Variants in SFMBT2 observed in about 807,000 individuals in gnomAD.
The protein encoded by SFMBT2 is scm-like with four MBT domains protein 2.
In SFMBT2, 38 loss-of-function variants were observed where a neutral mutation model predicts 110.1. The observed-to-expected ratio is 0.35, with a 90% confidence interval of 0.27 to 0.45. The LOEUF (loss-of-function observed/expected upper bound fraction) is 0.45, where lower values mean the gene tolerates loss of function less well. Among genes scored for constraint, SFMBT2 ranks in the 20% least tolerant of loss-of-function variants. SFMBT2 has a pLI of 1.00. For synonymous variants in SFMBT2, 425 were observed against 425.4 expected (o/e 1.00, Z 0.01); for missense variants, 1,011 against 1,094.9 (o/e 0.92, Z 1.08).
chr10:7,285,853 C>A lies in SFMBT2; in HGVS notation c.525+13G>T, dbSNP rs1842070174. The A allele has an allele frequency of 1.1e-6, 1 of 871,380 alleles. No homozygotes were observed. Among genetic ancestry groups the A allele is most frequent in the African/African-American group, 1.6e-5 (1 of 61,266 alleles). 54.0% of individuals were successfully genotyped at this position (871,380 alleles called of 1,614,324 possible). On this transcript the variant is annotated intron_variant, in intron 5 of 20. Transcript: ENST00000397167. The stretch of plus-strand genomic sequence containing the variant: ...CTTCAGAGATACATTAGATGTATAA[C>A]AACAATACATACACCTTCCAGGAGG...
intron 17 of SFMBT2, among the ~76,000 whole-genome samples, chr10:7,174,167 G>A (rs866368689): frequency 2.0e-5 from 3 of 152,362 alleles, no homozygotes; most frequent in Middle Eastern, 3.4e-3. Flanking sequence ...TGGCAGGAGA[G>A]CTTGGAACAA....
rs890647729 is a variant in SFMBT2, at chr10:7,408,088, G to C, written c.-52+2773C>G. The stretch of plus-strand genomic sequence containing the variant: ...GGCCTCGTGCAAAATCGCGGGTTTC[G>C]GGGCCTTGGAGCAAATTGCGCTTGT... On this transcript the variant is annotated intron_variant, in intron 1 of 20. Transcript: ENST00000397167. The surrounding 1 kb of genome is among the most constrained non-coding windows in gnomAD (Gnocchi z 5.7). Among the ~76,000 whole-genome samples the C allele has an allele frequency of 6.6e-6, 1 of 152,210 alleles. No individual in the cohort carries two copies. Among genetic ancestry groups the C allele is most frequent in the African/African-American group, 2.4e-5 (1 of 41,464 alleles).
chr10:7,175,987 T>TA lies in SFMBT2; in HGVS notation c.1984+2dup. The TA allele has an allele frequency of 6.2e-7, 1 of 1,610,888 alleles. No individual in the cohort carries two copies. The highest frequency in any genetic ancestry group is 8.5e-7 in the Non-Finnish European group (1 of 1,177,478). ...CATTTCTTTTTTCATTATTTGTACT[T>TA]ACTGTATTTGGTTTTGGTATGAATG... is the stretch of plus-strand genomic sequence containing the variant. On this transcript the variant is annotated splice_region_variant and intron_variant, in intron 17 of 20. Transcript: ENST00000397167.
At chr10:7,242,422 C>T (rs10905132) in intron 9 of SFMBT2, among the ~76,000 whole-genome samples, 32,691 of 152,084 alleles carry the variant, frequency 0.21, 3,788 homozygotes, top group South Asian at 0.37. Context: ...AATGACCCTG[C>T]GCAAGTTATA....
intron 7 of SFMBT2, chr10:7,264,310 G>A (rs749574075): frequency 1.0e-5 from 2 of 191,776 alleles, no homozygotes; most frequent in East Asian, 1.9e-4. Flanking sequence ...CTTTATTTAC[G>A]GATTTCCAGG....
intron 1 of SFMBT2, among the ~76,000 whole-genome samples, chr10:7,394,407 C>A (rs1845864569): frequency 6.6e-6 from 1 of 151,722 alleles, no homozygotes; most frequent in Non-Finnish European, 1.5e-5. Context: ...GCTCTCTCAG[C>A]CGACTGTTCT....
chr10:7,323,581 T>C (rs1365082845), intron 4 of SFMBT2, among the ~76,000 whole-genome samples: 2 of 151,706 alleles, frequency 1.3e-5, no homozygotes, highest in Non-Finnish European at 2.9e-5. Context: ...TCAACTATAG[T>C]GGTTTTTTCA....
At chr10:7,164,166 C>T (rs1335240718) in intron 20 of SFMBT2, 6 of 955,724 alleles carry the variant, frequency 6.3e-6, no homozygotes, top group South Asian at 9.6e-5. Context: ...GCTGGAGGAT[C>T]GCTTGAGACC....
rs150149992 is a variant in SFMBT2 at position 7,362,991 on chromosome 10, C to T, written c.436+4658G>A. Among the ~76,000 whole-genome samples, 94 of 152,304 alleles carry T rather than the reference C, an allele frequency of 6.2e-4. 1 individual carries two copies. The highest frequency in any genetic ancestry group is 2.2e-3 in the African/African-American group (92 of 41,570). On this transcript the variant is annotated intron_variant, in intron 4 of 20. Coordinates refer to ENST00000397167, the MANE Select transcript of SFMBT2 (RefSeq NM_001387889.1). ...CCTTCCTTTCTTCCTTCACAAGGGT[C>T]ACAAACCTAGACATTTCAGACTAGA...
At chr10:7,355,583 C>T (rs1235555190) in intron 4 of SFMBT2, among the ~76,000 whole-genome samples, 6 of 152,104 alleles carry the variant, frequency 3.9e-5, no homozygotes, top group Admixed American at 2.6e-4. Context: ...GAGGCCGAGG[C>T]GGCTGGATCA....
intron 4 of SFMBT2, among the ~76,000 whole-genome samples, chr10:7,353,589 C>T (rs914553727): frequency 1.3e-4 from 20 of 152,082 alleles, no homozygotes; most frequent in Non-Finnish European, 2.9e-5. Flanking sequence ...TTCATATACC[C>T]CCCATACAAG....
At chr10:7,364,426 G>A (rs1844826142) in intron 4 of SFMBT2, among the ~76,000 whole-genome samples, 1 of 152,190 alleles carries the variant, frequency 6.6e-6, no homozygotes, top group African/African-American at 2.4e-5. Flanking sequence ...GTGTTTCTGA[G>A]AGTGTGTGTG....
At chr10:7,195,322 T>C (rs1183321747) in intron 15 of SFMBT2, among the ~76,000 whole-genome samples, 1 of 152,232 alleles carries the variant, frequency 6.6e-6, no homozygotes, top group Non-Finnish European at 1.5e-5. Context: ...GCGGTCCTGC[T>C]GCTTAACCAC....
rs1184036463 is a variant in SFMBT2, at chr10:7,408,985, C to T, written c.-52+1876G>A. Among the ~76,000 whole-genome samples the T allele has an allele frequency of 6.6e-6, 1 of 152,140 alleles. No individual in the cohort carries two copies. The highest frequency in any genetic ancestry group is 1.5e-5 in the Non-Finnish European group (1 of 68,026). ...CTTCCCCAAACGCTGTCCCCATCCCCCACCTTCCCTAGAGCGCGAAACCCA... is the reference window on the plus strand; with the variant it reads ...CTTCCCCAAACGCTGTCCCCATCCCTCACCTTCCCTAGAGCGCGAAACCCA... On this transcript the variant is annotated intron_variant, in intron 1 of 20. Coordinates refer to ENST00000397167, the MANE Select transcript of SFMBT2 (RefSeq NM_001387889.1). The surrounding 1 kb of genome is among the most constrained non-coding windows in gnomAD (Gnocchi z 5.7).
chr10:7,367,698 G>A lies in SFMBT2; in HGVS notation c.387C>T (p.His129=). The A allele has an allele frequency of 6.2e-7, 1 of 1,613,886 alleles. No individual in the cohort carries two copies. Among genetic ancestry groups the A allele is most frequent in the Non-Finnish European group, 8.5e-7 (1 of 1,180,042 alleles). Residue 129 remains histidine, a synonymous_variant, in exon 4 of 21, where the codon CAC becomes CAT. Transcript: ENST00000397167. This position sits in a 1 kb window ranked among gnomAD's most constrained non-coding sequence, Gnocchi z 6.2. ...FWCDVVIADL[H]PVGWCTQNNK... is the part of the protein sequence containing the mutation. ...TGTTCTGTGTGCACCACCCCACGGG[G>A]TGCAAATCCGCGATGACTACGTCAC...
At chr10:7,310,238 G>A (rs931111638) in intron 4 of SFMBT2, among the ~76,000 whole-genome samples, 1 of 152,140 alleles carries the variant, frequency 6.6e-6, no homozygotes, top group Non-Finnish European at 1.5e-5. Flanking sequence ...AGACCTCTCC[G>A]ACAAGGACAC....
chr10:7,346,433 C>T (rs1414600658), intron 4 of SFMBT2, among the ~76,000 whole-genome samples: 2 of 152,096 alleles, frequency 1.3e-5, no homozygotes, highest in African/African-American at 4.8e-5. Context: ...CCTTTTAGAA[C>T]CGTCTCTTAC....
intron 4 of SFMBT2, among the ~76,000 whole-genome samples, chr10:7,324,566 T>C (rs1843313971): frequency 1.3e-5 from 2 of 152,334 alleles, no homozygotes; most frequent in Middle Eastern, 3.4e-3. Flanking sequence ...CAAAGGCAGA[T>C]ATGGCTGTAC....
Position 7,293,547 on chromosome 10 carries a change from G to A in SFMBT2, c.437-7593C>T, listed in dbSNP as rs1022500589. Among the ~76,000 whole-genome samples the A allele has an allele frequency of 3.3e-5, 5 of 152,042 alleles. No homozygotes were observed. The highest frequency in any genetic ancestry group is 7.4e-5 in the Non-Finnish European group (5 of 68,016). ...TTTACTGAGATGAGGCAGATTCAAG[G>A]GATGCAAATACCAAGGGCAAGCTCC... On this transcript the variant is annotated intron_variant, in intron 4 of 20. Coordinates refer to ENST00000397167, the MANE Select transcript of SFMBT2 (RefSeq NM_001387889.1). The surrounding 1 kb of genome is among the most constrained non-coding windows in gnomAD (Gnocchi z 4.6).
Sources: gnomAD v4.1 joint callset for allele counts (sites outside exome capture counted in the v4.1 genomes callset) on GRCh38, gnomAD v4.1.1 for gene constraint, Gnocchi (gnomAD v3.1) non-coding constraint, MANE v1.5 for transcripts, NCBI Gene and HGNC (gene_info 2026-07-23, HGNC 2026-07-21) for gene names.